VAV2: variants seen among roughly 807,000 people sequenced by gnomAD.
VAV2 encodes the protein vav guanine nucleotide exchange factor 2.
Under a neutral mutation model 132.5 loss-of-function variants are expected in VAV2, and 67 were observed. The ratio of observed to expected loss-of-function variants is 0.51; its 90% CI spans 0.42 to 0.62. The LOEUF is 0.62. VAV2 is among the 20% of genes least tolerant of loss of function. The pLI is 0.00. For missense variants in VAV2, 938 were observed against 1,153.6 expected, an observed-to-expected ratio of 0.81 and a Z score of 2.71; for synonymous variants, 492 against 443.5, an observed-to-expected ratio of 1.11 and a Z score of -1.37.
At chr9:133,951,713 G>A (rs936296984) in intron 1 of VAV2, among the ~76,000 whole-genome samples, 3 of 152,182 alleles carry the variant, frequency 2.0e-5, no homozygotes, top group Admixed American at 1.3e-4. Flanking sequence ...ACCTTGTGCT[G>A]GGGACAGGGC....
intron 1 of VAV2, among the ~76,000 whole-genome samples, chr9:133,987,349 G>A (rs1219662185): frequency 6.6e-6 from 1 of 152,220 alleles, no homozygotes; most frequent in Non-Finnish European, 1.5e-5. Flanking sequence ...TGGAGGACAG[G>A]GTGGGGAGAG....
chr9:133,897,089 A>C (rs1839239714), intron 2 of VAV2, among the ~76,000 whole-genome samples: 1 of 152,138 alleles, frequency 6.6e-6, no homozygotes, highest in East Asian at 1.9e-4. Flanking sequence ...GCGAGACTCC[A>C]TCTCAAAAAA....
intron 4 of VAV2, among the ~76,000 whole-genome samples, chr9:133,814,861 C>A (rs1835497054): frequency 6.6e-6 from 1 of 152,248 alleles, no homozygotes; most frequent in South Asian, 2.1e-4. Flanking sequence ...GAAAGCCCAG[C>A]CCGGGCTGCT....
In VAV2 at chr9:133,885,681, C is replaced by G. The variant is rs1032932995; in HGVS notation, c.322-24249G>C. ...TTTCCATCTAACAGCTCTGAAATGA[C>G]TGGACTCTGCATCTGGCCTCACCAG... On this transcript the variant is annotated intron_variant, in intron 2 of 29. Transcript: ENST00000371850. This position sits in a 1 kb window ranked among gnomAD's most constrained non-coding sequence, Gnocchi z 5.0. Among the ~76,000 whole-genome samples, 1 of 152,176 alleles carries G rather than the reference C, an allele frequency of 6.6e-6. No individual in the cohort carries two copies. Among genetic ancestry groups the G allele is most frequent in the Non-Finnish European group, 1.5e-5 (1 of 68,040 alleles).
chr9:133,981,740 C>A (rs1322044555), intron 1 of VAV2, among the ~76,000 whole-genome samples: 1 of 152,230 alleles, frequency 6.6e-6, no homozygotes, highest in East Asian at 1.9e-4. Context: ...GTCCCCACTG[C>A]CGCCCCTGCG....
chr9:133,917,439 TTC>T (rs1286091796), intron 2 of VAV2, among the ~76,000 whole-genome samples: 20 of 45,438 alleles, frequency 4.4e-4, no homozygotes, highest in African/African-American at 9.0e-4. Flanking sequence ...AGAAAACTCT[TTC>T]TTTTTTTTTT....
intron 13 of VAV2, among the ~76,000 whole-genome samples, chr9:133,789,944 G>A (rs1375011887): frequency 2.0e-5 from 3 of 152,204 alleles, no homozygotes; most frequent in Admixed American, 1.3e-4. Flanking sequence ...TTCAAGACAC[G>A]AACAGGGCCC....
chr9:133,938,227 C>T (rs549470732), intron 2 of VAV2, among the ~76,000 whole-genome samples: 3 of 152,376 alleles, frequency 2.0e-5, no homozygotes, highest in Middle Eastern at 3.4e-3. Flanking sequence ...GTCCAGGAAG[C>T]AGTGTCTCCT....
intron 1 of VAV2, among the ~76,000 whole-genome samples, chr9:133,983,490 C>A (rs143466790): frequency 6.6e-6 from 1 of 152,190 alleles, no homozygotes; most frequent in African/African-American, 2.4e-5. Context: ...CGCCCTGAGG[C>A]CAGGGCCCCG....
rs1328195595 is a variant in VAV2 at position 133,813,934 on chromosome 9, AAAAC to A, written c.450-1722_450-1719del. ...CAGCACTGTGGCCATTGTGCAGATT[AAAAC>A]AAACAAACTGAGGTTAAACAGCCAG... is the stretch of plus-strand genomic sequence containing the variant. On this transcript the variant is annotated intron_variant, in intron 4 of 29. Transcript: ENST00000371850. Among the ~76,000 whole-genome samples, 23 of 152,362 alleles carry A rather than the reference AAAAC, an allele frequency of 1.5e-4. No homozygotes were observed. The East Asian group carries it at 3.7e-3, about 24-fold the overall frequency.
intron 2 of VAV2, chr9:133,925,996 G>A (rs1303652499): frequency 2.1e-5 from 2 of 93,264 alleles, no homozygotes; most frequent in African/African-American, 8.3e-5. Context: ...CTGTGGACAT[G>A]GACCAAAAAA....
intron 1 of VAV2, among the ~76,000 whole-genome samples, chr9:133,975,316 C>G (rs542302318): frequency 1.4e-4 from 22 of 152,306 alleles, no homozygotes; most frequent in African/African-American, 5.3e-4. Flanking sequence ...ACAGCAGGAA[C>G]TTGCTGGGTC....
chr9:133,805,968 G>A lies in VAV2; in HGVS notation c.836+113C>T, dbSNP rs972762938. The stretch of plus-strand genomic sequence containing the variant: ...AGGGAGGACGGGGTCCAGAGGGGGC[G>A]GCCCCTGCCTCGGGACACCCCAAGA... On this transcript the variant is annotated intron_variant, in intron 9 of 29. Coordinates refer to ENST00000371850, the MANE Select transcript of VAV2 (RefSeq NM_001134398.2). The A allele has an allele frequency of 6.3e-5, 73 of 1,156,182 alleles. No individual in the cohort carries two copies. In the East Asian group the frequency reaches 9.2e-4, roughly 15 times the overall value. 71.6% of individuals were successfully genotyped at this position (1,156,182 alleles called of 1,614,324 possible).
At chr9:133,780,862 G>A in intron 19 of VAV2, 152 bp from the exon 20 acceptor site, 1 of 848,914 alleles carries the variant, frequency 1.2e-6, no homozygotes, top group Non-Finnish European at 1.6e-6. Flanking sequence ...ATGGATCATG[G>A]ACACACAGGT....
At chr9:133,805,870 T>C (rs2131681999) in intron 9 of VAV2, among the ~76,000 whole-genome samples, 1 of 152,128 alleles carries the variant, frequency 6.6e-6, no homozygotes, top group Non-Finnish European at 1.5e-5. Context: ...CCTGCCGAGC[T>C]CCCACAGGAC....
At chr9:133,929,826 C>T (rs563190353) in intron 2 of VAV2, among the ~76,000 whole-genome samples, 1 of 152,254 alleles carries the variant, frequency 6.6e-6, no homozygotes, top group East Asian at 1.9e-4. Flanking sequence ...CTGTCCCCAC[C>T]GCCAGTGTCC....
intron 5 of VAV2, among the ~76,000 whole-genome samples, chr9:133,811,103 C>A (rs1046103114): frequency 1.3e-5 from 2 of 152,240 alleles, no homozygotes; most frequent in African/African-American, 4.8e-5. Context: ...AAACTGGAGG[C>A]CCTGCTGCCT....
intron 1 of VAV2, among the ~76,000 whole-genome samples, chr9:133,948,706 G>A (rs959620574): frequency 4.6e-5 from 7 of 152,222 alleles, no homozygotes; most frequent in African/African-American, 1.2e-4. Context: ...CTAAAACAAC[G>A]TCCGGTGGCT....
chr9:133,899,016 T>G (rs921832825), intron 2 of VAV2, among the ~76,000 whole-genome samples: 1 of 151,266 alleles, frequency 6.6e-6, no homozygotes, highest in Non-Finnish European at 1.5e-5. Flanking sequence ...GGCGATGGGG[T>G]TTCACCACGT....
Sources: allele counts gnomAD v4.1 joint callset (sites outside exome capture counted in the v4.1 genomes callset), GRCh38; gene constraint gnomAD v4.1.1; non-coding constraint Gnocchi (gnomAD v3.1); transcripts MANE v1.5; gene names NCBI Gene and HGNC (gene_info 2026-07-23, HGNC 2026-07-21).